SLC16A12: variants seen among roughly 807,000 people sequenced by gnomAD.
The protein encoded by SLC16A12 is monocarboxylate transporter 12.
SLC16A12 carries 17 observed loss-of-function variants against 42.4 expected under a neutral mutation model. The observed-to-expected ratio is 0.40, with a 90% confidence interval of 0.27 to 0.60. The LOEUF (loss-of-function observed/expected upper bound fraction) is 0.60. SLC16A12 is among the 20% of genes least tolerant of loss of function. SLC16A12 has a pLI of 0.42. For missense variants in SLC16A12, 544 were observed against 623.0 expected (o/e 0.87, Z 1.35); for synonymous variants, 224 against 229.4 (o/e 0.98, Z 0.21).
chr10:89,467,897 T>C (rs1842429708), intron 2 of SLC16A12: 1 of 152,196 alleles, frequency 6.6e-6, no homozygotes. Context: ...GATTATTCAG[T>C]AGAGGACACA....
intron 2 of SLC16A12, among the ~76,000 whole-genome samples, chr10:89,486,749 T>G (rs1842762242): frequency 6.9e-6 from 1 of 145,922 alleles, no homozygotes; most frequent in South Asian, 2.2e-4. Flanking sequence ...TAGAAATAAG[T>G]ATAGAAATAA....
At chr10:89,519,302 C>T (rs1022836237) in intron 2 of SLC16A12, among the ~76,000 whole-genome samples, 6 of 151,716 alleles carry the variant, frequency 4.0e-5, no homozygotes, top group Non-Finnish European at 8.8e-5. Flanking sequence ...CATTTGTACA[C>T]GAAACCCCAC....
At chr10:89,452,303 ATATG>A (rs1465798657) in intron 3 of SLC16A12, among the ~76,000 whole-genome samples, 1 of 152,194 alleles carries the variant, frequency 6.6e-6, no homozygotes, top group Non-Finnish European at 1.5e-5. Context: ...GGAAAATGAA[ATATG>A]TATGTATGTA....
intron 3 of SLC16A12, among the ~76,000 whole-genome samples, chr10:89,448,215 T>C (rs1291081197): frequency 6.6e-6 from 1 of 152,198 alleles, no homozygotes; most frequent in Admixed American, 6.5e-5. Flanking sequence ...TCTGAAACTA[T>C]TCCAATCAGG....
chr10:89,509,388 A>G (rs1472661852), intron 2 of SLC16A12, among the ~76,000 whole-genome samples: 1 of 152,230 alleles, frequency 6.6e-6, no homozygotes, highest in African/African-American at 2.4e-5. Context: ...CAAAAAGCTT[A>G]TCCGCCATGA....
chr10:89,487,781 C>A, intron 2 of SLC16A12, among the ~76,000 whole-genome samples: 1 of 133,414 alleles, frequency 7.5e-6, no homozygotes. Flanking sequence ...CACTGCACTC[C>A]AGCCTGGGCA....
intron 2 of SLC16A12, among the ~76,000 whole-genome samples, chr10:89,524,403 C>T (rs1843414487): frequency 6.6e-6 from 1 of 152,184 alleles, no homozygotes; most frequent in Non-Finnish European, 1.5e-5. Context: ...TCTCCAGACC[C>T]CTGGCCACAC....
At chr10:89,475,104 A>T (rs1341437874) in intron 2 of SLC16A12, among the ~76,000 whole-genome samples, 3 of 152,244 alleles carry the variant, frequency 2.0e-5, no homozygotes, top group Non-Finnish European at 4.4e-5. Context: ...CTATCACTTC[A>T]CATTTTATTA....
chr10:89,555,042 C>T (rs1308087859), intron 2 of SLC16A12, among the ~76,000 whole-genome samples: 1 of 152,092 alleles, frequency 6.6e-6, no homozygotes, highest in Non-Finnish European at 1.5e-5. Context: ...TTTCTAGCAC[C>T]CAGATAAGCC....
At chr10:89,440,102 A>G (rs1269019851) in intron 5 of SLC16A12, among the ~76,000 whole-genome samples, 4 of 145,794 alleles carry the variant, frequency 2.7e-5, no homozygotes, top group African/African-American at 1.0e-4. Context: ...AAAAAAAAAG[A>G]TCAATTTCTA....
rs575981462 is a variant in SLC16A12 at position 89,513,023 on chromosome 10, A to G, written c.-47+21478T>C. ...AGGACTACTCAGTGTGGAAAACCCCATACCTTTGATGTCAAAGTTTTCTCA... is the reference window on the plus strand; with the variant it reads ...AGGACTACTCAGTGTGGAAAACCCCGTACCTTTGATGTCAAAGTTTTCTCA... On this transcript the variant is annotated intron_variant, in intron 2 of 7. Transcript: ENST00000371790. Among the ~76,000 whole-genome samples the G allele has an allele frequency of 3.3e-5, 5 of 152,304 alleles. No homozygotes were observed. In the East Asian group the frequency reaches 9.6e-4, roughly 29 times the overall value.
At chr10:89,545,676 A>G (rs929192095) in intron 2 of SLC16A12, among the ~76,000 whole-genome samples, 4 of 152,170 alleles carry the variant, frequency 2.6e-5, no homozygotes, top group African/African-American at 9.7e-5. Flanking sequence ...CCATCAAACT[A>G]CCATTGACAT....
At position 89,469,188 on chromosome 10, in the gene SLC16A12, A is replaced by G. The variant is rs1842454799; in HGVS notation, c.-46-6564T>C. Among the ~76,000 whole-genome samples, 4 of 152,314 alleles carry G rather than the reference A, an allele frequency of 2.6e-5. No individual in the cohort carries two copies. The South Asian group carries it at 8.3e-4, about 32-fold the overall frequency. ...TCCAATTCATATTATTTTGACATCA[A>G]CGACTGATGAATTTTACTCATCAAA... On this transcript the variant is annotated intron_variant, in intron 2 of 7. Transcript: ENST00000371790.
intron 4 of SLC16A12, 77 bp downstream of exon 4, chr10:89,443,679 C>A: frequency 1.9e-6 from 2 of 1,065,550 alleles, no homozygotes; most frequent in South Asian, 2.5e-5. Flanking sequence ...AACTAGTAAT[C>A]AAAGTCAGTG....
chr10:89,527,240 T>C (rs918003682), intron 2 of SLC16A12, among the ~76,000 whole-genome samples: 5 of 151,982 alleles, frequency 3.3e-5, no homozygotes, highest in South Asian at 2.1e-4. Context: ...CCCAGCACTT[T>C]GGGAGGCCGA....
chr10:89,438,986 T>G lies in SLC16A12; in HGVS notation c.646A>C (p.Asn216His). The G allele has an allele frequency of 6.2e-7, 1 of 1,614,138 alleles. No individual in the cohort carries two copies. Among genetic ancestry groups the G allele is most frequent in the Non-Finnish European group, 8.5e-7 (1 of 1,180,022 alleles). The change falls in exon 6 of 8, where the codon AAT (asparagine) becomes CAT (histidine). Residue 216 changes from asparagine (N) to histidine (H), a missense_variant. By Grantham distance (68) the Asn-to-His change is moderately conservative. Coordinates refer to ENST00000371790, the MANE Select transcript of SLC16A12 (RefSeq NM_213606.4). ...ALLILGGFVL[N>H]LCVCGALMRP... ...ATCAAGGCACCACATACACAGAGATTCAAGACAAAGCCCCCAAGAATGAGT... is the reference window on the plus strand; with the variant it reads ...ATCAAGGCACCACATACACAGAGATGCAAGACAAAGCCCCCAAGAATGAGT...
chr10:89,432,295 T>A lies in SLC16A12; in HGVS notation c.*769A>T, dbSNP rs752132403. The A allele has an allele frequency of 6.6e-6, 1 of 152,188 alleles. No individual in the cohort carries two copies. The highest frequency in any genetic ancestry group is 1.5e-5 in the Non-Finnish European group (1 of 68,016). 9.4% of individuals were successfully genotyped at this position (152,188 alleles called of 1,614,324 possible). A position where few individuals can be genotyped will look rare whatever the true frequency, so the allele number is the denominator to read the frequency against. On this transcript the variant is annotated 3_prime_UTR_variant, in exon 8 of 8. Transcript: ENST00000371790. ...GTATTATATGTGATGGTAACAAATG[T>A]GAGAGCCTGGAACCCAGTCTTAGGA...
chr10:89,542,096 G>C (rs1318670177), intron 2 of SLC16A12, among the ~76,000 whole-genome samples: 1 of 151,978 alleles, frequency 6.6e-6, no homozygotes, highest in Non-Finnish European at 1.5e-5. Context: ...CCTGACCCAG[G>C]TCACTGTTTG....
intron 2 of SLC16A12, among the ~76,000 whole-genome samples, chr10:89,481,383 A>G (rs921243228): frequency 6.6e-6 from 1 of 152,046 alleles, no homozygotes; most frequent in Non-Finnish European, 1.5e-5. Context: ...CCGCTTGTCT[A>G]TATACTTGGC....
Sources: gnomAD v4.1 joint callset for allele counts (sites outside exome capture counted in the v4.1 genomes callset) on GRCh38, gnomAD v4.1.1 for gene constraint, MANE v1.5 for transcripts, NCBI Gene and HGNC (gene_info 2026-07-23, HGNC 2026-07-21) for gene names.